Variants in CUL3 observed in about 807,000 individuals in gnomAD.
CUL3 encodes the protein cullin 3.
In CUL3, 19 loss-of-function variants were observed where a neutral mutation model predicts 89.1. That is an observed-to-expected ratio of 0.21 (90% CI 0.15 to 0.31). The LOEUF is 0.31. Among genes scored for constraint, CUL3 ranks in the 10% least tolerant of loss-of-function variants. CUL3 has a pLI of 1.00. For missense variants in CUL3, 469 were observed against 942.3 expected, an observed-to-expected ratio of 0.50 and a Z score of 6.58; for synonymous variants, 351 against 308.4, an observed-to-expected ratio of 1.14 and a Z score of -1.45.
rs1691123493 is a variant in CUL3, at chr2:224,471,367, T to C, written c.*2878A>G. 1 of 199,706 alleles carries C rather than the reference T, an allele frequency of 5.0e-6. No homozygotes were observed. Among genetic ancestry groups the C allele is most frequent in the Non-Finnish European group, 1.0e-5 (1 of 96,904 alleles). 12.4% of individuals were successfully genotyped at this position (199,706 alleles called of 1,614,324 possible). ...CTTAAACTGTAAACATTAAAACTGCTTTCCAAATTAAGGAATTAAATAATA... is the reference window on the plus strand; with the variant it reads ...CTTAAACTGTAAACATTAAAACTGCCTTCCAAATTAAGGAATTAAATAATA... On this transcript the variant is annotated 3_prime_UTR_variant, in exon 16 of 16. Coordinates refer to ENST00000264414, the MANE Select transcript of CUL3 (RefSeq NM_003590.5).
intron 13 of CUL3, among the ~76,000 whole-genome samples, chr2:224,494,816 G>A (rs546821923): frequency 6.6e-4 from 100 of 152,080 alleles, no homozygotes; most frequent in African/African-American, 1.8e-3. Context: ...AAAGTAAATC[G>A]TTACAAATTC....
intron 12 of CUL3, 72 bp downstream of exon 12, chr2:224,497,681 A>G (rs1020244842): frequency 1.8e-6 from 2 of 1,133,556 alleles, no homozygotes; most frequent in East Asian, 4.8e-5. Context: ...TACCCAGGTC[A>G]ACATAAATCA....
intron 2 of CUL3, among the ~76,000 whole-genome samples, chr2:224,553,600 G>C (rs1386166124): frequency 6.6e-6 from 1 of 152,144 alleles, no homozygotes; most frequent in Non-Finnish European, 1.5e-5. Flanking sequence ...TCCCAAATGT[G>C]ATAGTATTTA....
Position 224,511,601 on chromosome 2 carries a change from T to C in CUL3, c.655-19A>G, listed in dbSNP as rs750841425. 2.9e-6 allele frequency: 4 copies of C among 1,361,950 alleles called. No individual in the cohort carries two copies. The highest frequency in any genetic ancestry group is 1.4e-5 in the South Asian group (1 of 73,890). The allele number at this position is 1,361,950 out of a possible 1,614,324, so 84.4% of individuals were successfully genotyped here. A position where few individuals can be genotyped will look rare whatever the true frequency, so the allele number is the denominator to read the frequency against. ...TTTCCATCTGCCATTTAAAAATATA[T>C]ATATTTTTTAAACATAGAAGAAAAG... is the stretch of plus-strand genomic sequence containing the variant. On this transcript the variant is annotated intron_variant, in intron 5 of 15. Coordinates refer to ENST00000264414, the MANE Select transcript of CUL3 (RefSeq NM_003590.5).
At chr2:224,567,824 A>G (rs1251892282) in intron 1 of CUL3, among the ~76,000 whole-genome samples, 1 of 152,114 alleles carries the variant, frequency 6.6e-6, no homozygotes, top group African/African-American at 2.4e-5. Flanking sequence ...TACTTCCCTC[A>G]AAATCACAAT....
chr2:224,565,263 G>C (rs1394191239), intron 1 of CUL3, among the ~76,000 whole-genome samples: 1 of 152,252 alleles, frequency 6.6e-6, no homozygotes, highest in South Asian at 2.1e-4. Context: ...GTAAGAAAAA[G>C]AAAATGTATT....
chr2:224,576,527 T>G (rs1695302027), intron 1 of CUL3, among the ~76,000 whole-genome samples: 1 of 152,142 alleles, frequency 6.6e-6, no homozygotes, highest in Non-Finnish European at 1.5e-5. Flanking sequence ...ACTCACTGAA[T>G]TTATCAATTA....
intron 2 of CUL3, among the ~76,000 whole-genome samples, chr2:224,552,253 AAAAC>A (rs1694541867): frequency 6.6e-6 from 1 of 152,236 alleles, no homozygotes; most frequent in African/African-American, 2.4e-5. Flanking sequence ...AAAAAGTTAA[AAAAC>A]AAATTCCTGT....
chr2:224,529,696 C>T (rs1693618358), intron 3 of CUL3, among the ~76,000 whole-genome samples: 1 of 151,958 alleles, frequency 6.6e-6, no homozygotes, highest in African/African-American at 2.4e-5. Flanking sequence ...AGGAGCCAAA[C>T]AGGTAATGCA....
chr2:224,522,070 TAA>T (rs71062936), intron 3 of CUL3, among the ~76,000 whole-genome samples: 45 of 133,628 alleles, frequency 3.4e-4, no homozygotes, highest in Admixed American at 5.2e-4. Context: ...CATTTAAAAT[TAA>T]AAAAAAAAAA....
chr2:224,489,282 A>G (rs1691862244), intron 13 of CUL3, among the ~76,000 whole-genome samples: 2 of 152,240 alleles, frequency 1.3e-5, no homozygotes, highest in Admixed American at 1.3e-4. Flanking sequence ...AGAAAGAAAT[A>G]AAGTATTCAA....
intron 13 of CUL3, among the ~76,000 whole-genome samples, chr2:224,488,700 C>T (rs780921249): frequency 1.3e-5 from 2 of 152,160 alleles, no homozygotes; most frequent in Non-Finnish European, 2.9e-5. Context: ...GGAGCTGGTA[C>T]CATTCCTTCT....
intron 10 of CUL3, 29 bp downstream of exon 10, chr2:224,502,935 AT>A: frequency 6.8e-7 from 1 of 1,470,118 alleles, no homozygotes; most frequent in South Asian, 1.1e-5. Context: ...TTACATGAAT[AT>A]CTAAGTAGAA....
At chr2:224,572,630 G>GAAAAA (rs67105454) in intron 1 of CUL3, among the ~76,000 whole-genome samples, 2 of 86,282 alleles carry the variant, frequency 2.3e-5, no homozygotes, top group Non-Finnish European at 4.5e-5. Flanking sequence ...GAGAGTGAGA[G>GAAAAA]AAAAAAAAAA....
rs544188267 is a variant in CUL3, at chr2:224,487,280, C to T, written c.1843-5202G>A. ...TCACACATAACAATATTACCTTAAA[C>T]GTAAAGGGGCTAAATGCCCCAATTA... On this transcript the variant is annotated intron_variant, in intron 13 of 15. Coordinates refer to ENST00000264414, the MANE Select transcript of CUL3 (RefSeq NM_003590.5). Among the ~76,000 whole-genome samples the T allele has an allele frequency of 6.6e-5, 10 of 151,892 alleles. No homozygotes were observed. In the South Asian group the frequency reaches 1.9e-3, roughly 29 times the overall value.
intron 12 of CUL3, among the ~76,000 whole-genome samples, chr2:224,496,312 G>T (rs1037254749): frequency 6.6e-6 from 1 of 152,176 alleles, no homozygotes; most frequent in African/African-American, 2.4e-5. Context: ...TTATGGGCGT[G>T]AGCCACCACG....
Position 224,470,572 on chromosome 2 carries a change from A to G in CUL3, c.*3673T>C, listed in dbSNP as rs1029939029. 8 of 231,712 alleles carry G rather than the reference A, an allele frequency of 3.5e-5. No individual in the cohort carries two copies. The highest frequency in any genetic ancestry group is 6.0e-5 in the Non-Finnish European group (7 of 117,220). 14.4% of individuals were successfully genotyped at this position (231,712 alleles called of 1,614,324 possible). On this transcript the variant is annotated 3_prime_UTR_variant, in exon 16 of 16. Transcript: ENST00000264414. ...AGGCACACAAAGGAAAACATTTTGT[A>G]AAACTGTAGATTTGAATTTAAGGTA...
intron 1 of CUL3, among the ~76,000 whole-genome samples, chr2:224,576,731 G>C (rs1182076062): frequency 6.6e-6 from 1 of 150,700 alleles, no homozygotes; most frequent in African/African-American, 2.4e-5. Flanking sequence ...GGAAAGGAAG[G>C]AAAAAAGAAA....
At chr2:224,533,703 AAT>A (rs1693778837) in intron 3 of CUL3, among the ~76,000 whole-genome samples, 1 of 152,254 alleles carries the variant, frequency 6.6e-6, no homozygotes, top group Non-Finnish European at 1.5e-5. Flanking sequence ...TATGCCAGAT[AAT>A]ATATGTTGTC....
Sources: gnomAD v4.1 joint callset for allele counts (sites outside exome capture counted in the v4.1 genomes callset) on GRCh38, gnomAD v4.1.1 for gene constraint, MANE v1.5 for transcripts, NCBI Gene and HGNC (gene_info 2026-07-23, HGNC 2026-07-21) for gene names.